CSMD1: variants seen among roughly 807,000 people sequenced by gnomAD.
The protein encoded by CSMD1 is CUB and sushi domain-containing protein 1.
CSMD1 carries 213 observed loss-of-function variants against 417.5 expected under a neutral mutation model. The ratio of observed to expected loss-of-function variants is 0.51; its 90% CI spans 0.46 to 0.57. The LOEUF is 0.57. CSMD1 is among the 20% of genes least tolerant of loss of function. The probability of loss-of-function intolerance (pLI) is 0.00; values close to 1 mark genes in which losing one functional copy is unlikely to be tolerated. For synonymous variants in CSMD1, 2,862 were observed against 1,736.8 expected (o/e 1.65, Z -16.11); for missense variants, 6,923 against 4,529.7 (o/e 1.53, Z -15.17).
chr8:3,307,070 A>ACAAGT (rs1804919413), intron 25 of CSMD1, among the ~76,000 whole-genome samples: 1 of 152,124 alleles, frequency 6.6e-6, no homozygotes, highest in Admixed American at 6.5e-5. Flanking sequence ...ATCCCTGCAC[A>ACAAGT]CAAGTCTTTT....
At chr8:3,469,468 T>C (rs1458582381) in intron 11 of CSMD1, among the ~76,000 whole-genome samples, 1 of 152,112 alleles carries the variant, frequency 6.6e-6, no homozygotes. Flanking sequence ...CAAATGTGAG[T>C]TTCAATGAAG....
chr8:4,491,445 C>T (rs924725489), intron 2 of CSMD1, among the ~76,000 whole-genome samples: 12 of 152,026 alleles, frequency 7.9e-5, no homozygotes, highest in Admixed American at 7.9e-4. Context: ...AGCAAAACTG[C>T]CTGTGAAAGG....
chr8:4,061,320 G>A (rs1018077767), intron 3 of CSMD1, among the ~76,000 whole-genome samples: 1 of 152,052 alleles, frequency 6.6e-6, no homozygotes, highest in African/African-American at 2.4e-5. Context: ...TCTTTAACAA[G>A]GAACCACTAA....
At chr8:4,130,325 G>A (rs1009919943) in intron 3 of CSMD1, among the ~76,000 whole-genome samples, 4 of 152,042 alleles carry the variant, frequency 2.6e-5, no homozygotes, top group South Asian at 2.1e-4. Flanking sequence ...TATGCCTAAG[G>A]TCTTCTATTC....
At chr8:3,378,188 G>C (rs1042970919) in intron 18 of CSMD1, among the ~76,000 whole-genome samples, 4 of 152,160 alleles carry the variant, frequency 2.6e-5, no homozygotes, top group Non-Finnish European at 4.4e-5. Context: ...AAATAGTCTT[G>C]GCTAAACCAG....
intron 26 of CSMD1, among the ~76,000 whole-genome samples, chr8:3,255,683 TCTC>T (rs1800598251): frequency 6.6e-6 from 1 of 152,158 alleles, no homozygotes; most frequent in Non-Finnish European, 1.5e-5. Flanking sequence ...CGGGATATAA[TCTC>T]CTGGTGTGCC....
intron 2 of CSMD1, among the ~76,000 whole-genome samples, chr8:4,476,142 C>G (rs1461619605): frequency 6.6e-6 from 1 of 151,802 alleles, no homozygotes; most frequent in African/African-American, 2.4e-5. Context: ...TATTAAAAGT[C>G]TCTTGTGTAA....
chr8:3,945,055 C>T (rs1375955165), intron 5 of CSMD1, among the ~76,000 whole-genome samples: 2 of 152,046 alleles, frequency 1.3e-5, no homozygotes, highest in African/African-American at 2.4e-5. Context: ...GCTCTATAAT[C>T]CCTCATTTTA....
chr8:4,823,563 T>G (rs117528679), intron 1 of CSMD1, among the ~76,000 whole-genome samples: 1,968 of 152,198 alleles, frequency 0.013, 14 homozygotes, highest in Middle Eastern at 0.048. Context: ...TCGTAGTATA[T>G]GAGCCCAGTA....
intron 33 of CSMD1, among the ~76,000 whole-genome samples, chr8:3,191,747 G>T (rs947494273): frequency 1.3e-5 from 2 of 152,134 alleles, no homozygotes; most frequent in Non-Finnish European, 2.9e-5. Context: ...ACTTCAATTG[G>T]CAAAGAGGTC....
At chr8:3,433,143 C>T (rs1814327423) in intron 12 of CSMD1, among the ~76,000 whole-genome samples, 1 of 152,156 alleles carries the variant, frequency 6.6e-6, no homozygotes, top group African/African-American at 2.4e-5. Flanking sequence ...TTTTGATAAA[C>T]ATGGTGGGAT....
At chr8:4,865,381 C>T (rs369858452) in intron 1 of CSMD1, among the ~76,000 whole-genome samples, 1 of 151,754 alleles carries the variant, frequency 6.6e-6, no homozygotes, top group East Asian at 1.9e-4. Context: ...TTCTTTCTGC[C>T]TATAACTGAT....
chr8:4,199,746 A>C (rs959963194), intron 3 of CSMD1, among the ~76,000 whole-genome samples: 3 of 152,126 alleles, frequency 2.0e-5, no homozygotes, highest in Admixed American at 6.5e-5. Context: ...ATCCTCTTAA[A>C]ATATTTTCAA....
intron 2 of CSMD1, among the ~76,000 whole-genome samples, chr8:4,518,007 G>C (rs751690880): frequency 2.0e-5 from 3 of 152,226 alleles, no homozygotes; most frequent in Non-Finnish European, 2.9e-5. Context: ...TCATTAAATT[G>C]ATACATAAGC....
chr8:4,463,749 A>G (rs1247405373), intron 2 of CSMD1, among the ~76,000 whole-genome samples: 2 of 152,150 alleles, frequency 1.3e-5, no homozygotes, highest in Non-Finnish European at 2.9e-5. Flanking sequence ...CGTGGGGCTG[A>G]GGGAAAATAG....
chr8:4,136,961 G>C lies in CSMD1; in HGVS notation c.416-104862C>G, dbSNP rs535646461. Among the ~76,000 whole-genome samples, 9 of 152,266 alleles carry C rather than the reference G, an allele frequency of 5.9e-5. No individual in the cohort carries two copies. The East Asian group carries it at 1.5e-3, about 26-fold the overall frequency. On this transcript the variant is annotated intron_variant, in intron 3 of 69. Transcript: ENST00000635120. ...AAAATATCATCAAAACCAATATTCA[G>C]CCTATATCAATGAAACAAATAAATG...
chr8:3,613,946 A>T (rs774482927), intron 8 of CSMD1, among the ~76,000 whole-genome samples: 3 of 151,922 alleles, frequency 2.0e-5, no homozygotes, highest in Non-Finnish European at 4.4e-5. Context: ...AAATAAAAAA[A>T]ATCCGATTGG....
chr8:4,950,772 C>A (rs1303031045), intron 1 of CSMD1, among the ~76,000 whole-genome samples: 1 of 152,048 alleles, frequency 6.6e-6, no homozygotes, highest in Non-Finnish European at 1.5e-5. Context: ...TGGCAGCACG[C>A]TAAGTCAGAC....
intron 3 of CSMD1, among the ~76,000 whole-genome samples, chr8:4,070,335 C>T (rs1211028142): frequency 2.0e-5 from 3 of 152,002 alleles, no homozygotes; most frequent in Non-Finnish European, 2.9e-5. Context: ...GAGAAAATGT[C>T]TTCTTATATT....
Sources: allele counts gnomAD v4.1 joint callset (sites outside exome capture counted in the v4.1 genomes callset), GRCh38; gene constraint gnomAD v4.1.1; transcripts MANE v1.5; gene names NCBI Gene and HGNC (gene_info 2026-07-23, HGNC 2026-07-21).